The following NDST3 variants were observed in gnomAD, a reference collection of about 807,000 sequenced individuals.
The protein encoded by NDST3 is N-deacetylase and N-sulfotransferase 3, also known as bifunctional heparan sulfate N-deacetylase/N-sulfotransferase 3.
Under a neutral mutation model 96.1 loss-of-function variants are expected in NDST3, and 58 were observed. The observed-to-expected ratio is 0.60, with a 90% CI of 0.49 to 0.75. NDST3 has a LOEUF of 0.75. Ranked by LOEUF, NDST3 falls within the 30% of genes least tolerant of loss-of-function variation. The pLI is 0.00. For synonymous variants in NDST3, 333 were observed against 359.7 expected, an observed-to-expected ratio of 0.93 and a Z score of 0.84; for missense variants, 788 against 1,034.2, an observed-to-expected ratio of 0.76 and a Z score of 3.27.
At chr4:118,128,186 T>C (rs1408667393) in intron 4 of NDST3, among the ~76,000 whole-genome samples, 1 of 152,090 alleles carries the variant, frequency 6.6e-6, no homozygotes, top group East Asian at 1.9e-4. Flanking sequence ...TTCTTTCTCT[T>C]TTCTGATTGC....
intron 2 of NDST3, among the ~76,000 whole-genome samples, chr4:118,103,632 TTCC>T (rs1296638131): frequency 1.3e-5 from 2 of 152,108 alleles, no homozygotes; most frequent in African/African-American, 4.8e-5. Context: ...GCTGGCTGGA[TTCC>T]TCCTCCCCCA....
Position 118,046,032 on chromosome 4 carries a change from A to G in NDST3, c.-155-7724A>G, listed in dbSNP as rs781590293. Among the ~76,000 whole-genome samples the G allele has an allele frequency of 7.8e-4, 118 of 151,968 alleles. 1 individual carries two copies. Among genetic ancestry groups the G allele is most frequent in the Non-Finnish European group, 2.8e-4 (19 of 67,988 alleles). ...CCCACGGAGAAAAACCAAGGGTTTG[A>G]GTAAATCAACATAATTTGGACAGAT... On this transcript the variant is annotated intron_variant, in intron 1 of 13. Transcript: ENST00000296499.
At chr4:118,230,883 T>A (rs1740238023) in intron 8 of NDST3, among the ~76,000 whole-genome samples, 1 of 152,208 alleles carries the variant, frequency 6.6e-6, no homozygotes, top group African/African-American at 2.4e-5. Context: ...GACAGAGTTA[T>A]TTTAACAATT....
intron 2 of NDST3, among the ~76,000 whole-genome samples, chr4:118,077,993 C>T (rs890783007): frequency 6.6e-6 from 1 of 152,116 alleles, no homozygotes; most frequent in African/African-American, 2.4e-5. Context: ...TCAAGAGTTG[C>T]CCCTGTAAAA....
chr4:118,075,927 G>A (rs945641639), intron 2 of NDST3, among the ~76,000 whole-genome samples: 1 of 152,022 alleles, frequency 6.6e-6, no homozygotes, highest in Non-Finnish European at 1.5e-5. Flanking sequence ...GTCTATTTTG[G>A]CTTTTGTTGC....
At chr4:118,215,781 G>A (rs1739158428) in intron 6 of NDST3, among the ~76,000 whole-genome samples, 1 of 152,050 alleles carries the variant, frequency 6.6e-6, no homozygotes, top group Admixed American at 6.6e-5. Context: ...GGTGTCAGGA[G>A]GAATTTTTAA....
At chr4:118,192,986 C>A (rs1404007425) in intron 6 of NDST3, among the ~76,000 whole-genome samples, 1 of 152,044 alleles carries the variant, frequency 6.6e-6, no homozygotes, top group Non-Finnish European at 1.5e-5. Flanking sequence ...CACATGGAGG[C>A]CACATTTGGA....
At chr4:118,086,217 T>C (rs1290163164) in intron 2 of NDST3, among the ~76,000 whole-genome samples, 2 of 152,214 alleles carry the variant, frequency 1.3e-5, no homozygotes, top group Non-Finnish European at 2.9e-5. Context: ...CAATCAAGTC[T>C]GATTCCTAGA....
intron 12 of NDST3, among the ~76,000 whole-genome samples, chr4:118,244,772 T>C (rs1741209343): frequency 6.6e-6 from 1 of 152,188 alleles, no homozygotes; most frequent in African/African-American, 2.4e-5. Flanking sequence ...TTTATTCTTT[T>C]CCACAAGTGC....
chr4:118,251,854 T>C (rs879345259), intron 12 of NDST3, among the ~76,000 whole-genome samples: 12 of 152,250 alleles, frequency 7.9e-5, no homozygotes, highest in Non-Finnish European at 1.8e-4. Context: ...TTGATAGGAA[T>C]CATACTGAAT....
chr4:118,093,618 C>A (rs996293260), intron 2 of NDST3, among the ~76,000 whole-genome samples: 1 of 151,854 alleles, frequency 6.6e-6, no homozygotes, highest in African/African-American at 2.4e-5. Context: ...TCTTTAACAT[C>A]TTTCTTCGCA....
At chr4:118,058,319 G>A (rs1021395800) in intron 2 of NDST3, among the ~76,000 whole-genome samples, 3 of 150,228 alleles carry the variant, frequency 2.0e-5, no homozygotes, top group Admixed American at 1.3e-4. Flanking sequence ...TGCAATATCA[G>A]CTTTACCCAC....
In NDST3 at chr4:118,255,905, C is replaced by T. The variant is rs1420267521; in HGVS notation, c.*193C>T. 2 of 544,416 alleles carry T rather than the reference C, an allele frequency of 3.7e-6. No homozygotes were observed. The highest frequency in any genetic ancestry group is 3.5e-5 in the East Asian group (1 of 28,204). 33.7% of individuals were successfully genotyped at this position (544,416 alleles called of 1,614,324 possible). On this transcript the variant is annotated 3_prime_UTR_variant, in exon 14 of 14. Coordinates refer to ENST00000296499, the MANE Select transcript of NDST3 (RefSeq NM_004784.3). ...TGTTACAAGCCTTGAGGCCTGTGGCCTTTCTCTTAACCCATATCTGAGCCT... is the reference window on the plus strand; with the variant it reads ...TGTTACAAGCCTTGAGGCCTGTGGCTTTTCTCTTAACCCATATCTGAGCCT...
At chr4:118,106,866 G>A (rs1450277816) in intron 3 of NDST3, among the ~76,000 whole-genome samples, 5 of 152,066 alleles carry the variant, frequency 3.3e-5, no homozygotes, top group Non-Finnish European at 7.4e-5. Flanking sequence ...CGAGGCGGGT[G>A]GATCGCGAGG....
rs1742092830 is a variant in NDST3 at position 118,255,888 on chromosome 4, G to A, written c.*176G>A. ...AAAAAAGAAAAAGTATGTGTTACAA[G>A]CCTTGAGGCCTGTGGCCTTTCTCTT... On this transcript the variant is annotated 3_prime_UTR_variant, in exon 14 of 14. Transcript: ENST00000296499. The A allele has an allele frequency of 3.1e-6, 2 of 655,724 alleles. No homozygotes were observed. Among genetic ancestry groups the A allele is most frequent in the South Asian group, 2.7e-5 (1 of 37,366 alleles). The allele number at this position is 655,724 out of a possible 1,614,324, so 40.6% of individuals were successfully genotyped here.
intron 6 of NDST3, among the ~76,000 whole-genome samples, chr4:118,176,809 T>C (rs1736309254): frequency 6.6e-6 from 1 of 152,042 alleles, no homozygotes; most frequent in Non-Finnish European, 1.5e-5. Flanking sequence ...AATAATCTGA[T>C]GAAAGATCTG....
At chr4:118,117,376 G>T (rs1173848573) in intron 4 of NDST3, among the ~76,000 whole-genome samples, 1 of 151,936 alleles carries the variant, frequency 6.6e-6, no homozygotes, top group Non-Finnish European at 1.5e-5. Context: ...AGGCTCCTGA[G>T]GTGTTTGGAC....
intron 2 of NDST3, among the ~76,000 whole-genome samples, chr4:118,060,990 G>A (rs1226489000): frequency 1.3e-5 from 2 of 151,998 alleles, no homozygotes; most frequent in Non-Finnish European, 2.9e-5. Context: ...TTTCTCATCC[G>A]ATGTGATTCT....
chr4:118,152,059 A>G (rs1226781709), intron 6 of NDST3, among the ~76,000 whole-genome samples: 6 of 152,272 alleles, frequency 3.9e-5, no homozygotes, highest in East Asian at 1.9e-4. Context: ...TTTTGCATAT[A>G]TTTGTTAAGG....
Sources: gnomAD v4.1 joint callset for allele counts (sites outside exome capture counted in the v4.1 genomes callset) on GRCh38, gnomAD v4.1.1 for gene constraint, MANE v1.5 for transcripts, NCBI Gene and HGNC (gene_info 2026-07-23, HGNC 2026-07-21) for gene names.